The following ALMS1 variants were observed in gnomAD, a reference collection of about 807,000 sequenced individuals.
ALMS1 encodes ALMS1 centrosome and basal body associated protein.
A neutral mutation model predicts 352.2 loss-of-function variants in ALMS1; 271 were observed. The ratio of observed to expected loss-of-function variants is 0.77; its 90% confidence interval spans 0.70 to 0.85. ALMS1 has a LOEUF of 0.85. Ranked by LOEUF, ALMS1 falls within the 40% of genes least tolerant of loss-of-function variation. The pLI, the probability that ALMS1 is intolerant of heterozygous loss-of-function variation, is 0.00. For missense variants in ALMS1, 5,445 were observed against 4,870.7 expected, an observed-to-expected ratio of 1.12 and a Z score of -3.51; for synonymous variants, 1,865 against 1,761.2, an observed-to-expected ratio of 1.06 and a Z score of -1.48.
chr2:73,408,586 G>C, intron 1 of ALMS1, 36 bp from the exon 2 acceptor site: 5 of 1,603,668 alleles, frequency 3.1e-6, no homozygotes, highest in Non-Finnish European at 4.3e-6. Flanking sequence ...TAGTGATTGT[G>C]TTATTACTCT....
At chr2:73,566,094 A>G (rs914943810) in intron 15 of ALMS1, among the ~76,000 whole-genome samples, 1 of 152,194 alleles carries the variant, frequency 6.6e-6, no homozygotes, top group African/African-American at 2.4e-5. Flanking sequence ...GGTATGGGGT[A>G]TAGGTAATCA....
Position 73,452,770 on chromosome 2 carries a change from T to C in ALMS1, c.6243T>C (p.Thr2081=), listed in dbSNP as rs1034084163. The change falls in exon 8 of 23, where the codon ACT becomes ACC. Residue 2081 remains threonine (T), a synonymous_variant. Transcript: ENST00000613296. ...ILKISAVPEL[T]DVNTGKPVSL... is the part of the protein sequence containing the mutation. Reference sequence around the variant, plus strand: ...AGATTTCAGCTGTCCCTGAACTAACTGATGTGAATACTGGAAAACCAGTAT... The same window carrying C: ...AGATTTCAGCTGTCCCTGAACTAACCGATGTGAATACTGGAAAACCAGTAT... 2 of 1,613,354 alleles carry C rather than the reference T, an allele frequency of 1.2e-6. No individual in the cohort carries two copies. The highest frequency in any genetic ancestry group is 1.7e-6 in the Non-Finnish European group (2 of 1,179,888).
At chr2:73,444,571 C>T (rs980361017) in intron 7 of ALMS1, among the ~76,000 whole-genome samples, 2 of 152,182 alleles carry the variant, frequency 1.3e-5, no homozygotes, top group African/African-American at 4.8e-5. Flanking sequence ...ATAATGTTAG[C>T]TCGTGTATGT....
chr2:73,592,095 A>T (rs1342252331), intron 16 of ALMS1, among the ~76,000 whole-genome samples: 1 of 152,170 alleles, frequency 6.6e-6, no homozygotes, highest in Non-Finnish European at 1.5e-5. Context: ...TGAATTTTGG[A>T]TTCACTCAAA....
At position 73,451,307 on chromosome 2, in the gene ALMS1, G is replaced by C; in HGVS notation, c.4780G>C (p.Ala1594Pro). 1 of 1,614,028 alleles carries C rather than the reference G, an allele frequency of 6.2e-7. No homozygotes were observed. The highest frequency in any genetic ancestry group is 1.1e-5 in the South Asian group (1 of 91,076). Residue 1594 changes from alanine (A) to proline (P), a missense_variant, in exon 8 of 23, where the codon GCT (alanine) becomes CCT (proline). Physicochemically the swap from Ala to Pro is conservative, Grantham distance 27. Coordinates refer to ENST00000613296, the MANE Select transcript of ALMS1 (RefSeq NM_001378454.1). ...TCCAGATGGTCATCTACCTGAAGAG[G>C]CTCTGAAAGTTTCCATTGTTTCTGG... ...AFPDGHLPEE[A>P]LKVSIVSGPT... is the part of the protein sequence containing the mutation.
chr2:73,546,985 A>G (rs1175242408), intron 12 of ALMS1, among the ~76,000 whole-genome samples: 1 of 152,206 alleles, frequency 6.6e-6, no homozygotes, highest in African/African-American at 2.4e-5. Context: ...CCCAATTTAC[A>G]GTGGTTCCGT....
At chr2:73,530,390 A>G (rs1049321120) in intron 11 of ALMS1, among the ~76,000 whole-genome samples, 3 of 152,212 alleles carry the variant, frequency 2.0e-5, no homozygotes, top group Non-Finnish European at 2.9e-5. Flanking sequence ...TAAAGCTCCA[A>G]AATTTCCTTT....
At chr2:73,502,337 A>G (rs1403609060) in intron 10 of ALMS1, among the ~76,000 whole-genome samples, 6 of 152,158 alleles carry the variant, frequency 3.9e-5, no homozygotes, top group African/African-American at 1.4e-4. Context: ...TTCTTCATAC[A>G]TAATCATTTC....
rs751995271 is a variant in ALMS1, at chr2:73,489,870, C to G, written c.7911C>G (p.Asn2637Lys). The G allele has an allele frequency of 6.2e-7, 1 of 1,614,192 alleles. No homozygotes were observed. The highest frequency in any genetic ancestry group is 1.1e-5 in the South Asian group (1 of 91,076). The change falls in exon 10 of 23, where the codon AAC becomes AAG. Residue 2637 changes from asparagine (N) to lysine (K), a missense_variant. Physicochemically the swap from Asn to Lys is moderately conservative, Grantham distance 94. Transcript: ENST00000613296. ...VNLSASLDQNNSHFKVWNSLQ... is the reference protein window; with the variant it reads ...VNLSASLDQNKSHFKVWNSLQ... The stretch of plus-strand genomic sequence containing the variant: ...TTTCTGCATCCTTAGACCAGAACAA[C>G]TCCCATTTCAAAGTTTGGAATTCCT...
rs188583082 is a variant in ALMS1, at chr2:73,492,831, C to T, written c.9539+1333C>T. 7.2e-5 allele frequency among the ~76,000 whole-genome samples: 11 copies of T among 152,214 alleles called. No individual in the cohort carries two copies. The East Asian group carries it at 1.7e-3, about 24-fold the overall frequency. On this transcript the variant is annotated intron_variant, in intron 10 of 22. Coordinates refer to ENST00000613296, the MANE Select transcript of ALMS1 (RefSeq NM_001378454.1). ...TGATCTTGGTTCACTGAAACCTCCG[C>T]CCCCTGGGTTCCCGTCCCGCCTCAG...
At chr2:73,521,433 CAA>C (rs1258521154) in intron 11 of ALMS1, among the ~76,000 whole-genome samples, 11 of 151,900 alleles carry the variant, frequency 7.2e-5, no homozygotes, top group East Asian at 1.9e-4. Flanking sequence ...GGCAGAAACA[CAA>C]GAGAGGAAAC....
At chr2:73,560,954 G>C (rs1225981935) in intron 15 of ALMS1, among the ~76,000 whole-genome samples, 1 of 152,218 alleles carries the variant, frequency 6.6e-6, no homozygotes, top group Non-Finnish European at 1.5e-5. Flanking sequence ...GCTGGGCCCA[G>C]AACAAAGACA....
At chr2:73,559,208 T>C in intron 15 of ALMS1, 66 bp downstream of exon 15, 1 of 1,557,960 alleles carries the variant, frequency 6.4e-7, no homozygotes. Context: ...AGTGTTAGTG[T>C]TTCCATTTCA....
chr2:73,448,431 A>G lies in ALMS1; in HGVS notation c.1904A>G (p.Glu635Gly). The G allele has an allele frequency of 3.7e-6, 6 of 1,613,914 alleles. No homozygotes were observed. The highest frequency in any genetic ancestry group is 5.1e-6 in the Non-Finnish European group (6 of 1,179,916). ...AAGCCTGGTACTTTTTACCAACAAG[A>G]GTTACCAGAGAGTAACTTAACCGAA... ...REKPGTFYQQ[E>G]LPESNLTEEP... The change falls in exon 8 of 23, where the codon GAG becomes GGG. Residue 635 changes from glutamate (E) to glycine (G), a missense_variant. Coordinates refer to ENST00000613296, the MANE Select transcript of ALMS1 (RefSeq NM_001378454.1).
chr2:73,515,659 A>C, intron 10 of ALMS1, among the ~76,000 whole-genome samples: 1 of 152,100 alleles, frequency 6.6e-6, no homozygotes, highest in African/African-American at 2.4e-5. Context: ...ATTCTTCCAA[A>C]GAATAAACAA....
intron 16 of ALMS1, among the ~76,000 whole-genome samples, chr2:73,598,061 A>C (rs115288438): frequency 0.044 from 6,761 of 152,346 alleles, 197 homozygotes; most frequent in Non-Finnish European, 0.065. Context: ...TGTCAAATGC[A>C]AGATGTACCA....
intron 16 of ALMS1, among the ~76,000 whole-genome samples, chr2:73,586,886 G>A (rs538838447): frequency 1.3e-5 from 2 of 152,260 alleles, no homozygotes; most frequent in South Asian, 2.1e-4. Flanking sequence ...ATGAGCATGG[G>A]ATAGGTTTCC....
chr2:73,543,361 T>G (rs1218475908), intron 12 of ALMS1, among the ~76,000 whole-genome samples: 1 of 152,098 alleles, frequency 6.6e-6, no homozygotes, highest in Non-Finnish European at 1.5e-5. Context: ...ATACAAAAAT[T>G]AATTCAAGAT....
intron 16 of ALMS1, among the ~76,000 whole-genome samples, chr2:73,598,672 C>T (rs1340802578): frequency 2.0e-5 from 3 of 152,150 alleles, no homozygotes; most frequent in Non-Finnish European, 4.4e-5. Context: ...AGACCCCTCC[C>T]CTAGAGATTC....
Sources: allele counts gnomAD v4.1 joint callset (sites outside exome capture counted in the v4.1 genomes callset), GRCh38; gene constraint gnomAD v4.1.1; transcripts MANE v1.5; gene names NCBI Gene and HGNC (gene_info 2026-07-23, HGNC 2026-07-21).